The following DNAH5 variants were observed in gnomAD, a reference collection of about 807,000 sequenced individuals.
The protein encoded by DNAH5 is axonemal beta dynein heavy chain 5.
Under a neutral mutation model 518.2 loss-of-function variants are expected in DNAH5, and 372 were observed. That is an observed-to-expected ratio of 0.72 (90% CI 0.66 to 0.78). The LOEUF (loss-of-function observed/expected upper bound fraction) is 0.78. DNAH5 is among the 30% of genes least tolerant of loss of function. The probability of loss-of-function intolerance (pLI) is 0.00; values close to 1 mark genes in which losing one functional copy is unlikely to be tolerated. For synonymous variants in DNAH5, 2,039 were observed against 2,025.9 expected, an observed-to-expected ratio of 1.01 and a Z score of -0.17; for missense variants, 5,523 against 5,687.0, an observed-to-expected ratio of 0.97 and a Z score of 0.93.
chr5:13,742,527 G>A (rs1225554677), intron 65 of DNAH5, among the ~76,000 whole-genome samples: 1 of 151,852 alleles, frequency 6.6e-6, no homozygotes, highest in Non-Finnish European at 1.5e-5. Flanking sequence ...CTATGAATTG[G>A]GGTTAAAATC....
rs765130526 is a variant in DNAH5 at position 13,717,304 on chromosome 5, C to T, written c.12705+11G>A. The T allele has an allele frequency of 1.1e-5, 17 of 1,611,588 alleles. No homozygotes were observed. Among genetic ancestry groups the T allele is most frequent in the East Asian group, 4.5e-5 (2 of 44,756 alleles). On this transcript the variant is annotated intron_variant, in intron 73 of 78. Transcript: ENST00000265104. ...GCCACTAGAGGCATGAGGCAGCATG[C>T]GCGGCAGTACCTTTTTGACATCCAT... is the stretch of plus-strand genomic sequence containing the variant.
At chr5:13,918,800 T>C (rs894587316) in intron 7 of DNAH5, among the ~76,000 whole-genome samples, 4 of 152,144 alleles carry the variant, frequency 2.6e-5, no homozygotes, top group African/African-American at 9.7e-5. Flanking sequence ...AGTTTGGAGG[T>C]TGTTTTGCAA....
At chr5:13,976,704 T>C (rs1168639473) in intron 1 of DNAH5, among the ~76,000 whole-genome samples, 1 of 126,008 alleles carries the variant, frequency 7.9e-6, no homozygotes, top group African/African-American at 2.9e-5. Flanking sequence ...TATATATATA[T>C]ATATATACAC....
chr5:13,810,347 A>C, intron 44 of DNAH5, 87 bp from the exon 45 acceptor site: 1 of 1,149,950 alleles, frequency 8.7e-7, no homozygotes. Flanking sequence ...GTAAACATAG[A>C]AACAAGACAC....
At position 13,809,166 on chromosome 5, in the gene DNAH5, T is replaced by C. The variant is rs1219144753; in HGVS notation, c.7630A>G (p.Thr2544Ala). ...APDGTWTHWNTRTQEYLYPSD... is the reference protein window; with the variant it reads ...APDGTWTHWNARTQEYLYPSD... ...GGATACAGGTATTCCTGGGTACGCG[T>C]GTTCCAGTGCGTCCATGTACCTAAG... Residue 2544 changes from threonine to alanine, a missense_variant, in exon 46 of 79, where the codon ACG becomes GCG. By Grantham distance (58) the Thr-to-Ala change is moderately conservative. Transcript: ENST00000265104. 6.2e-7 allele frequency: 1 copy of C among 1,614,072 alleles called. No homozygotes were observed. Among genetic ancestry groups the C allele is most frequent in the Non-Finnish European group, 8.5e-7 (1 of 1,180,032 alleles).
At chr5:13,810,711 G>A (rs754873177) in intron 44 of DNAH5, among the ~76,000 whole-genome samples, 14 of 151,544 alleles carry the variant, frequency 9.2e-5, no homozygotes, top group South Asian at 2.1e-4. Context: ...CCAAGATGGC[G>A]CTACTGCACT....
chr5:13,710,609 A>T (rs554466599), intron 75 of DNAH5, among the ~76,000 whole-genome samples: 2 of 152,374 alleles, frequency 1.3e-5, no homozygotes, highest in Admixed American at 6.5e-5. Flanking sequence ...TAAAATAGAT[A>T]GACCATTAGC....
intron 65 of DNAH5, among the ~76,000 whole-genome samples, chr5:13,747,064 G>A (rs1749462129): frequency 1.3e-5 from 2 of 150,316 alleles, no homozygotes; most frequent in African/African-American, 2.5e-5. Flanking sequence ...ACAGGCCCCA[G>A]TGTGTGAAGT....
chr5:13,855,186 T>G lies in DNAH5; in HGVS notation c.4950+4266A>C, dbSNP rs111761395. Among the ~76,000 whole-genome samples, 71 of 150,918 alleles carry G rather than the reference T, an allele frequency of 4.7e-4. 1 individual carries two copies. Among genetic ancestry groups the G allele is most frequent in the African/African-American group, 1.6e-3 (66 of 40,498 alleles). ...CTAACAAGAACCACTCCACATAGAT[T>G]TTCATCATAAATCTTACATTTTTTT... On this transcript the variant is annotated intron_variant, in intron 30 of 78. Coordinates refer to ENST00000265104, the MANE Select transcript of DNAH5 (RefSeq NM_001369.3).
chr5:13,988,999 T>G (rs1016813726), intron 1 of DNAH5, among the ~76,000 whole-genome samples: 5 of 151,924 alleles, frequency 3.3e-5, no homozygotes, highest in South Asian at 2.1e-4. Flanking sequence ...AATGCTGGGA[T>G]TACAGGTGTA....
chr5:13,989,628 C>T (rs571170938), intron 1 of DNAH5, among the ~76,000 whole-genome samples: 2 of 151,966 alleles, frequency 1.3e-5, no homozygotes, highest in East Asian at 1.9e-4. Context: ...GGACTACAGG[C>T]GCCCGCCATC....
intron 11 of DNAH5, among the ~76,000 whole-genome samples, chr5:13,913,083 A>C (rs1290810189): frequency 6.6e-6 from 1 of 152,050 alleles, no homozygotes; most frequent in African/African-American, 2.4e-5. Context: ...ACCAAAAAAA[A>C]TTTAAGATTT....
Position 13,907,633 on chromosome 5 carries a change from A to C in DNAH5, c.1644+3753T>G, listed in dbSNP as rs76309244. Among the ~76,000 whole-genome samples, 496 of 152,304 alleles carry C rather than the reference A, an allele frequency of 3.3e-3. 5 individuals carry two copies. The highest frequency in any genetic ancestry group is 0.012 in the African/African-American group (479 of 41,562). On this transcript the variant is annotated intron_variant, in intron 12 of 78. Transcript: ENST00000265104. ...ATGGTCTTTATGGGTTCTCCTGAGA[A>C]CGTCACACATCTTATACTATTATGT...
intron 1 of DNAH5, among the ~76,000 whole-genome samples, chr5:13,989,300 A>G (rs575358362): frequency 1.3e-5 from 2 of 152,356 alleles, no homozygotes; most frequent in African/African-American, 4.8e-5. Flanking sequence ...GGAGTGCTAT[A>G]CAATGAAATT....
At chr5:13,714,814 C>A (rs1744073587) in intron 74 of DNAH5, among the ~76,000 whole-genome samples, 194 bp from the exon 75 acceptor site, 1 of 152,130 alleles carries the variant, frequency 6.6e-6, no homozygotes, top group South Asian at 2.1e-4. Context: ...CATTGAGAAA[C>A]AGACAGTAGG....
intron 50 of DNAH5, among the ~76,000 whole-genome samples, chr5:13,791,072 A>C (rs1167283838): frequency 6.6e-6 from 1 of 152,150 alleles, no homozygotes; most frequent in Non-Finnish European, 1.5e-5. Flanking sequence ...AACCTAAAAT[A>C]AAAGTTAAAA....
chr5:13,728,120 T>G (rs1272871563), intron 69 of DNAH5, among the ~76,000 whole-genome samples: 1 of 152,200 alleles, frequency 6.6e-6, no homozygotes, highest in Admixed American at 6.5e-5. Context: ...GAACAGCTTT[T>G]TGATCAATAC....
At chr5:13,893,898 A>G (rs1773579332) in intron 16 of DNAH5, among the ~76,000 whole-genome samples, 1 of 148,252 alleles carries the variant, frequency 6.7e-6, no homozygotes, top group African/African-American at 2.5e-5. Context: ...GACAATAGCA[A>G]TGTCTAAGTC....
At chr5:13,821,001 C>T (rs1290713041) in intron 40 of DNAH5, among the ~76,000 whole-genome samples, 1 of 151,952 alleles carries the variant, frequency 6.6e-6, no homozygotes, top group Non-Finnish European at 1.5e-5. Flanking sequence ...AGTTGCTCAA[C>T]AATGTAAGTG....
Sources: gnomAD v4.1 joint callset for allele counts (sites outside exome capture counted in the v4.1 genomes callset) on GRCh38, gnomAD v4.1.1 for gene constraint, MANE v1.5 for transcripts, NCBI Gene and HGNC (gene_info 2026-07-23, HGNC 2026-07-21) for gene names.